The following KCNB2 variants were observed in gnomAD, a reference collection of about 807,000 sequenced individuals.
The protein encoded by KCNB2 is potassium voltage-gated channel subfamily B member 2.
KCNB2 carries 15 observed loss-of-function variants against 61.5 expected under a neutral mutation model. The ratio of observed to expected loss-of-function variants is 0.24; its 90% CI spans 0.16 to 0.38. The LOEUF is 0.38. Among genes scored for constraint, KCNB2 ranks in the 10% least tolerant of loss-of-function variants. KCNB2 has a pLI of 1.00. For synonymous variants in KCNB2, 457 were observed against 446.0 expected (o/e 1.02, Z -0.31); for missense variants, 828 against 1,125.2 (o/e 0.74, Z 3.78).
At chr8:72,660,379 G>A (rs967366691) in intron 2 of KCNB2, among the ~76,000 whole-genome samples, 1 of 152,154 alleles carries the variant, frequency 6.6e-6, no homozygotes, top group Admixed American at 6.5e-5. Context: ...CCATCAGGGT[G>A]GCATCTGGTT....
At position 72,937,446 on chromosome 8, in the gene KCNB2, C is replaced by G; in HGVS notation, c.2091C>G (p.Thr697=). The change falls in exon 3 of 3, where the codon ACC becomes ACG. Residue 697 remains threonine, a synonymous_variant. Coordinates refer to ENST00000523207, the MANE Select transcript of KCNB2 (RefSeq NM_004770.3). ...LHSPLQSDNA[T]DSPKSSLKGS... is the part of the protein sequence containing the mutation. The stretch of plus-strand genomic sequence containing the variant: ...GTCCTTTGCAGTCTGACAATGCCAC[C>G]GACAGTCCTAAGAGCTCTCTAAAAG... The G allele has an allele frequency of 6.2e-7, 1 of 1,613,912 alleles. No individual in the cohort carries two copies. The highest frequency in any genetic ancestry group is 2.2e-5 in the East Asian group (1 of 44,832).
intron 2 of KCNB2, among the ~76,000 whole-genome samples, chr8:72,712,868 C>T (rs1585846047): frequency 6.6e-6 from 1 of 152,212 alleles, no homozygotes; most frequent in East Asian, 1.9e-4. Flanking sequence ...CGAGGCATCA[C>T]CTCACCTGGG....
intron 2 of KCNB2, among the ~76,000 whole-genome samples, chr8:72,848,938 A>T (rs1446543979): frequency 3.3e-5 from 5 of 151,610 alleles, no homozygotes; most frequent in African/African-American, 9.7e-5. Context: ...TAAAAATTTA[A>T]CATAAAGTTA....
At chr8:72,786,000 T>C (rs1808840307) in intron 2 of KCNB2, among the ~76,000 whole-genome samples, 2 of 150,638 alleles carry the variant, frequency 1.3e-5, no homozygotes, top group Admixed American at 6.6e-5. Flanking sequence ...AATAGTTCTC[T>C]GCAAAAATAA....
At chr8:72,626,541 T>C (rs1306121740) in intron 2 of KCNB2, among the ~76,000 whole-genome samples, 1 of 152,252 alleles carries the variant, frequency 6.6e-6, no homozygotes, top group Non-Finnish European at 1.5e-5. Flanking sequence ...TGGTTGTTAA[T>C]AACATGTGTT....
intron 2 of KCNB2, among the ~76,000 whole-genome samples, chr8:72,682,074 G>A (rs1806766417): frequency 6.6e-6 from 1 of 152,186 alleles, no homozygotes; most frequent in Non-Finnish European, 1.5e-5. Flanking sequence ...TTCTAGACAT[G>A]TATGTTTAGT....
At chr8:72,605,804 T>A (rs1805438735) in intron 2 of KCNB2, among the ~76,000 whole-genome samples, 1 of 152,138 alleles carries the variant, frequency 6.6e-6, no homozygotes, top group Non-Finnish European at 1.5e-5. Flanking sequence ...GAGAAGATGG[T>A]AATTAAATAG....
chr8:72,789,261 GT>G (rs1808895275), intron 2 of KCNB2, among the ~76,000 whole-genome samples: 1 of 152,102 alleles, frequency 6.6e-6, no homozygotes, highest in African/African-American at 2.4e-5. Flanking sequence ...GTTAAATACT[GT>G]TATTAACAAC....
chr8:72,711,639 A>G (rs749081741), intron 2 of KCNB2, among the ~76,000 whole-genome samples: 22 of 152,218 alleles, frequency 1.4e-4, no homozygotes, highest in Admixed American at 2.6e-4. Flanking sequence ...TTCCTGACAG[A>G]GGGCACAGCA....
intron 2 of KCNB2, among the ~76,000 whole-genome samples, chr8:72,730,778 C>A (rs990395377): frequency 3.9e-5 from 6 of 152,086 alleles, no homozygotes; most frequent in African/African-American, 1.4e-4. Context: ...TGTAATTAAG[C>A]CCAATGTTGA....
chr8:72,551,168 G>A (rs1806339400), intron 1 of KCNB2, among the ~76,000 whole-genome samples: 1 of 152,026 alleles, frequency 6.6e-6, no homozygotes, highest in Admixed American at 6.5e-5. Context: ...CTTACTAACT[G>A]GACTCAGCTT....
intron 2 of KCNB2, among the ~76,000 whole-genome samples, chr8:72,755,032 T>C (rs1808264990): frequency 6.6e-6 from 1 of 152,134 alleles, no homozygotes; most frequent in Non-Finnish European, 1.5e-5. Context: ...TGGTAAGATA[T>C]GATGGGAACG....
Position 72,567,907 on chromosome 8 carries a change from G to A in KCNB2, c.173G>A (p.Arg58Lys). The A allele has an allele frequency of 1.2e-6, 2 of 1,614,006 alleles. No homozygotes were observed. Among genetic ancestry groups the A allele is most frequent in the East Asian group, 2.2e-5 (1 of 44,868 alleles). ...TGGAGAACGCTGGACAGGCTGCCCA[G>A]GACGCGCCTGGGGAAGCTTCGAGAC... is the stretch of plus-strand genomic sequence containing the variant. The part of the protein sequence containing the change: ...VLWRTLDRLP[R>K]TRLGKLRDCN... Residue 58 changes from arginine to lysine, a missense_variant, in exon 2 of 3, where the codon AGG (arginine) becomes AAG (lysine). Physicochemically the swap from Arg to Lys is conservative, Grantham distance 26. This residue lies in a region of KCNB2 where 163 missense variants were observed against 314.4 expected (regional missense o/e 0.52). Coordinates refer to ENST00000523207, the MANE Select transcript of KCNB2 (RefSeq NM_004770.3).
chr8:72,882,819 T>G (rs1213949992), intron 2 of KCNB2, among the ~76,000 whole-genome samples: 1 of 152,202 alleles, frequency 6.6e-6, no homozygotes, highest in Non-Finnish European at 1.5e-5. Context: ...TATGTTCAAA[T>G]TACTTGAAGC....
At chr8:72,841,064 T>G (rs1395733375) in intron 2 of KCNB2, among the ~76,000 whole-genome samples, 4 of 152,226 alleles carry the variant, frequency 2.6e-5, no homozygotes, top group Admixed American at 6.5e-5. Flanking sequence ...TTAATCCATC[T>G]TGAGTTAATT....
At position 72,766,527 on chromosome 8, in the gene KCNB2, T is replaced by C. The variant is rs575883298; in HGVS notation, c.580-169408T>C. ...TATATTTCTTCACATCACAATTTTT[T>C]CCTGTGAGATTTCCCAAACAGTTTC... On this transcript the variant is annotated intron_variant, in intron 2 of 2. Coordinates refer to ENST00000523207, the MANE Select transcript of KCNB2 (RefSeq NM_004770.3). 3.9e-5 allele frequency among the ~76,000 whole-genome samples: 6 copies of C among 152,320 alleles called. 1 individual carries two copies. The highest frequency in any genetic ancestry group is 1.4e-4 in the African/African-American group (6 of 41,572).
intron 2 of KCNB2, among the ~76,000 whole-genome samples, chr8:72,888,256 C>T (rs1473860714): frequency 4.6e-5 from 7 of 152,050 alleles, no homozygotes; most frequent in Non-Finnish European, 7.4e-5. Flanking sequence ...CACACACCAC[C>T]ACACCCTGGG....
chr8:72,611,899 T>C (rs1214553884), intron 2 of KCNB2, among the ~76,000 whole-genome samples: 3 of 152,170 alleles, frequency 2.0e-5, no homozygotes, highest in African/African-American at 7.2e-5. Context: ...CAATAGGATT[T>C]GTGACAAGGA....
At chr8:72,892,381 C>T (rs969257425) in intron 2 of KCNB2, among the ~76,000 whole-genome samples, 2 of 152,132 alleles carry the variant, frequency 1.3e-5, no homozygotes, top group African/African-American at 4.8e-5. Flanking sequence ...GGCCACTACC[C>T]ACAGAAAGTC....
Sources: gnomAD v4.1 joint callset for allele counts (sites outside exome capture counted in the v4.1 genomes callset) on GRCh38, gnomAD v4.1.1 for gene constraint, gnomAD v4.1.1 regional missense constraint, MANE v1.5 for transcripts, NCBI Gene and HGNC (gene_info 2026-07-23, HGNC 2026-07-21) for gene names.